HDAC9: variants seen among roughly 807,000 people sequenced by gnomAD.
HDAC9 encodes the protein MEF-2 interacting transcription repressor (MITR) protein.
A neutral mutation model predicts 139.4 loss-of-function variants in HDAC9; 41 were observed. That is an observed-to-expected ratio of 0.29 (90% CI 0.23 to 0.38). The LOEUF (loss-of-function observed/expected upper bound fraction) is 0.38, where lower values mean the gene tolerates loss of function less well. HDAC9 is among the 10% of genes least tolerant of loss of function. The pLI, the probability that HDAC9 is intolerant of heterozygous loss-of-function variation, is 1.00. For missense variants in HDAC9, 1,147 were observed against 1,297.0 expected, an observed-to-expected ratio of 0.88 and a Z score of 1.78; for synonymous variants, 517 against 476.2, an observed-to-expected ratio of 1.09 and a Z score of -1.12.
intron 14 of HDAC9, among the ~76,000 whole-genome samples, chr7:18,750,834 T>C (rs995723157): frequency 1.3e-5 from 2 of 152,214 alleles, no homozygotes; most frequent in Non-Finnish European, 2.9e-5. Context: ...TTTCATCTGC[T>C]CTGCAATTTT....
intron 11 of HDAC9, among the ~76,000 whole-genome samples, chr7:18,651,104 A>T (rs190837700): frequency 7.2e-4 from 110 of 152,292 alleles, no homozygotes; most frequent in East Asian, 1.4e-3. Context: ...CCGTGACGTG[A>T]CAAGGATGTT....
intron 22 of HDAC9, among the ~76,000 whole-genome samples, chr7:18,887,280 G>C (rs1341809129): frequency 6.6e-6 from 1 of 152,184 alleles, no homozygotes; most frequent in Non-Finnish European, 1.5e-5. Flanking sequence ...GGTCTGGAGA[G>C]GGTACTGCAA....
At chr7:18,115,875 T>C (rs541175223) in intron 1 of HDAC9, among the ~76,000 whole-genome samples, 1 of 152,246 alleles carries the variant, frequency 6.6e-6, no homozygotes, top group African/African-American at 2.4e-5. Flanking sequence ...TGTCTCAATT[T>C]TTTGCAGCTT....
At chr7:18,231,761 G>A (rs1451147129) in intron 2 of HDAC9, among the ~76,000 whole-genome samples, 3 of 152,118 alleles carry the variant, frequency 2.0e-5, no homozygotes, top group Admixed American at 6.5e-5. Flanking sequence ...CGTTGGCTTT[G>A]GTTTACATGC....
chr7:18,164,752 A>G (rs9692586), intron 2 of HDAC9, among the ~76,000 whole-genome samples: 5,558 of 152,288 alleles, frequency 0.036, 333 homozygotes, highest in African/African-American at 0.13. Context: ...TGATTTTTGT[A>G]TATAAAATTT....
intron 12 of HDAC9, among the ~76,000 whole-genome samples, chr7:18,671,096 A>G (rs999260194): frequency 6.6e-6 from 1 of 151,984 alleles, no homozygotes; most frequent in Admixed American, 6.6e-5. Context: ...CTTCATTCCC[A>G]AACTAACGCA....
intron 6 of HDAC9, among the ~76,000 whole-genome samples, chr7:18,613,452 T>C (rs796517501): frequency 6.6e-5 from 10 of 152,218 alleles, no homozygotes; most frequent in African/African-American, 2.4e-4. Flanking sequence ...GCTCAGAGTC[T>C]GGTTCTAAGA....
intron 1 of HDAC9, among the ~76,000 whole-genome samples, chr7:18,487,443 C>T (rs1209851678): frequency 6.6e-6 from 1 of 151,974 alleles, no homozygotes; most frequent in Non-Finnish European, 1.5e-5. Flanking sequence ...ACTCCTAGGT[C>T]AGGTGGTTGT....
chr7:18,271,043 A>T (rs1489413892), intron 2 of HDAC9, among the ~76,000 whole-genome samples: 6 of 152,182 alleles, frequency 3.9e-5, no homozygotes, highest in Admixed American at 3.9e-4. Context: ...ACTATATGGA[A>T]GTTTCTTAAA....
At chr7:18,970,410 A>G (rs1008808495) in intron 24 of HDAC9, among the ~76,000 whole-genome samples, 3 of 152,248 alleles carry the variant, frequency 2.0e-5, no homozygotes, top group African/African-American at 4.8e-5. Flanking sequence ...AATTTTGAAT[A>G]GGACTATTTT....
intron 24 of HDAC9, among the ~76,000 whole-genome samples, chr7:18,975,554 C>T (rs915457561): frequency 3.3e-5 from 5 of 152,100 alleles, no homozygotes; most frequent in African/African-American, 9.7e-5. Flanking sequence ...TTCAGTAGGC[C>T]ATGGATTATT....
At chr7:18,878,944 A>G (rs1041661664) in intron 22 of HDAC9, among the ~76,000 whole-genome samples, 3 of 152,204 alleles carry the variant, frequency 2.0e-5, no homozygotes, top group African/African-American at 7.2e-5. Context: ...TTTGGCTGAC[A>G]AACAACTTCA....
intron 6 of HDAC9, among the ~76,000 whole-genome samples, chr7:18,599,054 G>A (rs1434402137): frequency 6.6e-6 from 1 of 152,212 alleles, no homozygotes; most frequent in East Asian, 1.9e-4. Flanking sequence ...TGTTTTTGTT[G>A]TTCATCGTAG....
chr7:18,608,732 C>T (rs1347947188), intron 6 of HDAC9, among the ~76,000 whole-genome samples: 1 of 152,154 alleles, frequency 6.6e-6, no homozygotes, highest in Non-Finnish European at 1.5e-5. Flanking sequence ...TGACAAACCA[C>T]ACTTTGTGCT....
chr7:18,143,629 T>C (rs1175661137), intron 1 of HDAC9, among the ~76,000 whole-genome samples: 1 of 151,860 alleles, frequency 6.6e-6, no homozygotes, highest in Non-Finnish European at 1.5e-5. Flanking sequence ...CTACTAAAAA[T>C]ACAAAAATTA....
intron 2 of HDAC9, among the ~76,000 whole-genome samples, chr7:18,231,312 T>C (rs1006678683): frequency 8.5e-5 from 13 of 152,186 alleles, no homozygotes; most frequent in Admixed American, 7.2e-4. Flanking sequence ...TTCCATTGCA[T>C]AGACTCATTG....
intron 2 of HDAC9, among the ~76,000 whole-genome samples, chr7:18,168,708 T>G (rs1788171932): frequency 6.6e-6 from 1 of 152,112 alleles, no homozygotes. Flanking sequence ...TTACTTTCTG[T>G]GGTTTTCTGC....
upstream of HDAC9, among the ~76,000 whole-genome samples, chr7:18,286,438 A>T (rs1402696109): frequency 6.7e-6 from 1 of 148,754 alleles, no homozygotes; most frequent in Admixed American, 6.7e-5. Context: ...ATTATAGTTT[A>T]TATAAATGTG....
chr7:18,852,021 C>A (rs530232360), intron 21 of HDAC9, among the ~76,000 whole-genome samples: 2 of 152,302 alleles, frequency 1.3e-5, no homozygotes, highest in South Asian at 2.1e-4. Flanking sequence ...TAGAGACAGT[C>A]CTTCTAACAA....
Sources: gnomAD v4.1 joint callset for allele counts (sites outside exome capture counted in the v4.1 genomes callset) on GRCh38, gnomAD v4.1.1 for gene constraint, MANE v1.5 for transcripts, NCBI Gene and HGNC (gene_info 2026-07-23, HGNC 2026-07-21) for gene names.